The following PCDHGA5 variants were observed in gnomAD, a reference collection of about 807,000 sequenced individuals.
The protein encoded by PCDHGA5 is protocadherin gamma subfamily A, 5, also known as protocadherin gamma-A5.
In PCDHGA5, 36 loss-of-function variants were observed where a neutral mutation model predicts 56.7. The ratio of observed to expected loss-of-function variants is 0.64; its 90% CI spans 0.49 to 0.84. The LOEUF (loss-of-function observed/expected upper bound fraction) is 0.84. Ranked by LOEUF, PCDHGA5 falls within the 40% of genes least tolerant of loss-of-function variation. PCDHGA5 has a pLI of 0.00. For missense variants in PCDHGA5, 1,305 were observed against 1,201.5 expected (o/e 1.09, Z -1.27); for synonymous variants, 563 against 520.2 (o/e 1.08, Z -1.12).
rs775674745 is a variant in PCDHGA5 at position 141,371,722 on chromosome 5, T to C, written c.2421+4971T>C. The C allele has an allele frequency of 3.1e-5, 50 of 1,613,944 alleles. No homozygotes were observed. In the South Asian group the frequency reaches 5.4e-4, roughly 17 times the overall value. On this transcript the variant is annotated intron_variant, in intron 1 of 3. Coordinates refer to ENST00000518069, the MANE Select transcript of PCDHGA5 (RefSeq NM_018918.3). ...AGCAAGACCATCACTCTGCACATCC[T>C]TGATGTCAACGACAACGTTCCCGTT...
At chr5:141,427,088 T>C in intron 1 of PCDHGA5, 1 of 458,156 alleles carries the variant, frequency 2.2e-6, no homozygotes. Flanking sequence ...CTGACCAGGA[T>C]GAGGGTGTCA....
chr5:141,388,906 A>ACG (rs890479246), intron 1 of PCDHGA5: 2 of 1,614,016 alleles, frequency 1.2e-6, no homozygotes, highest in Admixed American at 3.3e-5. Flanking sequence ...GAAAATGACA[A>ACG]CGCCCCAGAA....
At position 141,511,345 on chromosome 5, in the gene PCDHGA5, T is replaced by C; in HGVS notation, c.*172T>C. ...AAGTGCCCAGTCAGCACCTACCCCT[T>C]CCCCCCCAGGGGGTTGAATATGCAA... On this transcript the variant is annotated 3_prime_UTR_variant, in exon 4 of 4. Transcript: ENST00000518069. The C allele has an allele frequency of 1.4e-6, 2 of 1,410,502 alleles. No homozygotes were observed. The highest frequency in any genetic ancestry group is 9.4e-7 in the Non-Finnish European group (1 of 1,060,676). 87.4% of individuals were successfully genotyped at this position (1,410,502 alleles called of 1,614,324 possible).
chr5:141,508,026 T>A (rs972124070), intron 3 of PCDHGA5: 3 of 152,314 alleles, frequency 2.0e-5, no homozygotes, highest in African/African-American at 7.2e-5. Context: ...GGCTGCGGTT[T>A]GCAGCTCAGC....
chr5:141,405,410 TTTTTGTTTTTTG>T lies in PCDHGA5; in HGVS notation c.2421+38669_2421+38680del, dbSNP rs1345529499. 4 of 1,557,296 alleles carry T rather than the reference TTTTTGTTTTTTG, an allele frequency of 2.6e-6. No individual in the cohort carries two copies. In the South Asian group the frequency reaches 4.6e-5, roughly 18 times the overall value. ...ATTTTTTTTCTTTCTTTCTTTTCTT[TTTTTGTTTTTTG>T]TTTTGTTTTGTTTTTGAGACAGAGT... On this transcript the variant is annotated intron_variant, in intron 1 of 3. Transcript: ENST00000518069.
chr5:141,446,458 G>A (rs2098502933), intron 1 of PCDHGA5, among the ~76,000 whole-genome samples: 1 of 151,662 alleles, frequency 6.6e-6, no homozygotes, highest in African/African-American at 2.4e-5. Flanking sequence ...TATTCAGTGT[G>A]TGATTAGACA....
At chr5:141,409,448 C>T in intron 1 of PCDHGA5, 1 of 1,613,546 alleles carries the variant, frequency 6.2e-7, no homozygotes, top group Non-Finnish European at 8.5e-7. Context: ...AGAGCAGACA[C>T]CAGAATACAA....
rs763376851 is a variant in PCDHGA5 at position 141,364,432 on chromosome 5, G to T, written c.102G>T (p.Ser34=). 1 of 1,613,796 alleles carries T rather than the reference G, an allele frequency of 6.2e-7. No homozygotes were observed. The highest frequency in any genetic ancestry group is 8.5e-7 in the Non-Finnish European group (1 of 1,179,760). The change falls in exon 1 of 4, where the codon TCG becomes TCT. Residue 34 remains serine, a synonymous_variant. Transcript: ENST00000518069. ...CAGGATCCGGGCAGATCCGCTACTCGATGCCGGAGGAGCTGGACAAAGGCT... is the reference window on the plus strand; with the variant it reads ...CAGGATCCGGGCAGATCCGCTACTCTATGCCGGAGGAGCTGGACAAAGGCT... ...CEPGSGQIRY[S]MPEELDKGSF...
intron 1 of PCDHGA5, chr5:141,419,395 G>A: frequency 6.2e-7 from 1 of 1,613,596 alleles, no homozygotes; most frequent in Non-Finnish European, 8.5e-7. Context: ...CGCAGAGCGG[G>A]GTGGTGTTCG....
intron 1 of PCDHGA5, chr5:141,426,609 G>A (rs1026143678): frequency 5.2e-6 from 2 of 382,862 alleles, no homozygotes; most frequent in African/African-American, 4.2e-5. Flanking sequence ...AGAGATTGTA[G>A]CAGAGAATCC....
rs889285153 is a variant in PCDHGA5, at chr5:141,494,978, T to C, written c.2480+113T>C. ...TGCTACAGATGGCTTCTCCCTCAGT[T>C]TGAGATCCCAGGGAGGTCTTGGTGT... On this transcript the variant is annotated intron_variant, in intron 2 of 3. Transcript: ENST00000518069. 7.6e-6 allele frequency: 12 copies of C among 1,572,974 alleles called. No homozygotes were observed. In the Admixed American group the frequency reaches 1.3e-4, roughly 17 times the overall value.
rs761468303 is a variant in PCDHGA5 at position 141,421,659 on chromosome 5, T to C, written c.2421+54908T>C. 4 of 1,613,700 alleles carry C rather than the reference T, an allele frequency of 2.5e-6. No individual in the cohort carries two copies. The Admixed American group carries it at 6.7e-5, about 27-fold the overall frequency. On this transcript the variant is annotated intron_variant, in intron 1 of 3. Transcript: ENST00000518069. ...AGGACGAAGTGGAGATAAAAGTCAG[T>C]GAGCACGCAATTCCTGGGGCGCGAT...
chr5:141,427,547 T>C (rs747558888), intron 1 of PCDHGA5: 1 of 640,310 alleles, frequency 1.6e-6, no homozygotes, highest in South Asian at 1.5e-5. Flanking sequence ...TCACCATCAC[T>C]GCCACTGACA....
chr5:141,424,294 C>G (rs1260250688), intron 1 of PCDHGA5: 1 of 152,470 alleles, frequency 6.6e-6, no homozygotes, highest in Non-Finnish European at 1.5e-5. Context: ...ATTTCTTCAT[C>G]CTATCAACAC....
intron 1 of PCDHGA5, chr5:141,415,281 C>T (rs1321418691): frequency 6.2e-7 from 1 of 1,614,080 alleles, no homozygotes; most frequent in African/African-American, 1.3e-5. Context: ...TAGCGGTGGC[C>T]GCGGTCTCCT....
chr5:141,413,891 C>G, intron 1 of PCDHGA5: 1 of 1,613,382 alleles, frequency 6.2e-7, no homozygotes, highest in East Asian at 2.2e-5. Flanking sequence ...GTCTTCGATG[C>G]AAATGACAAC....
chr5:141,423,798 A>G (rs551396089), intron 1 of PCDHGA5: 76 of 1,222,390 alleles, frequency 6.2e-5, no homozygotes, highest in Middle Eastern at 4.5e-4. Context: ...TATTTAGAGC[A>G]ATACATGTGA....
chr5:141,484,715 G>A (rs576646182), intron 1 of PCDHGA5, among the ~76,000 whole-genome samples: 1 of 152,130 alleles, frequency 6.6e-6, no homozygotes, highest in African/African-American at 2.4e-5. Context: ...CCGCCGAAAA[G>A]GGGCGGGGTC....
intron 1 of PCDHGA5, among the ~76,000 whole-genome samples, chr5:141,442,633 C>A (rs1210890820): frequency 6.6e-6 from 1 of 152,158 alleles, no homozygotes; most frequent in Admixed American, 6.5e-5. Flanking sequence ...AGCAGCAAGA[C>A]CAAAGGCCTA....
Sources: allele counts gnomAD v4.1 joint callset (sites outside exome capture counted in the v4.1 genomes callset), GRCh38; gene constraint gnomAD v4.1.1; transcripts MANE v1.5; gene names NCBI Gene and HGNC (gene_info 2026-07-23, HGNC 2026-07-21).